LHFPL3: variants seen among roughly 807,000 people sequenced by gnomAD.
LHFPL3 encodes the protein LHFPL tetraspan subfamily member 3 protein.
LHFPL3 carries 5 observed loss-of-function variants against 19.3 expected under a neutral mutation model. The ratio of observed to expected loss-of-function variants is 0.26; its 90% CI spans 0.14 to 0.54. LHFPL3 has a LOEUF of 0.54. LHFPL3 is among the 20% of genes least tolerant of loss of function. The pLI is 0.94. For missense variants in LHFPL3, 249 were observed against 307.4 expected (o/e 0.81, Z 1.42); for synonymous variants, 133 against 126.2 (o/e 1.05, Z -0.36).
chr7:104,448,141 C>G (rs1162590198), intron 1 of LHFPL3, among the ~76,000 whole-genome samples: 1 of 152,074 alleles, frequency 6.6e-6, no homozygotes, highest in Non-Finnish European at 1.5e-5. Context: ...GATATAGCTT[C>G]TATTATCATT....
intron 1 of LHFPL3, among the ~76,000 whole-genome samples, chr7:104,560,598 T>A (rs1341938128): frequency 6.6e-6 from 1 of 151,816 alleles, no homozygotes. Flanking sequence ...TTGCTAGCGG[T>A]CTATCAATTT....
At chr7:104,538,272 G>C (rs1794424161) in intron 1 of LHFPL3, among the ~76,000 whole-genome samples, 1 of 152,160 alleles carries the variant, frequency 6.6e-6, no homozygotes, top group African/African-American at 2.4e-5. Context: ...TTAGATTAAA[G>C]CTCAGGAAGC....
At chr7:104,754,941 C>T (rs1584516778) in intron 2 of LHFPL3, among the ~76,000 whole-genome samples, 2 of 152,204 alleles carry the variant, frequency 1.3e-5, no homozygotes. Flanking sequence ...TGCTAGGGGG[C>T]AGAGTGCGGT....
chr7:104,694,133 G>C (rs1255802914), intron 1 of LHFPL3, among the ~76,000 whole-genome samples: 1 of 152,180 alleles, frequency 6.6e-6, no homozygotes, highest in African/African-American at 2.4e-5. Context: ...AGGTGTTCTA[G>C]AATTTATCAC....
chr7:104,824,829 A>AATTATAT lies in LHFPL3; in HGVS notation c.683-81345_683-81339dup, dbSNP rs1423564579. On this transcript the variant is annotated intron_variant, in intron 2 of 2. Coordinates refer to ENST00000424859, the MANE Select transcript of LHFPL3 (RefSeq NM_199000.3). ...AAATATATATAATGATATATTATAT[A>AATTATAT]ATTATATATTATATATTATCTAATA... Among the ~76,000 whole-genome samples, 540 of 128,450 alleles carry AATTATAT rather than the reference A, an allele frequency of 4.2e-3. 7 individuals are homozygous for AATTATAT. Among genetic ancestry groups the AATTATAT allele is most frequent in the African/African-American group, 0.015 (522 of 33,738 alleles). 84.3% of individuals were successfully genotyped at this position (128,450 alleles called of 152,430 possible). A position where few individuals can be genotyped will look rare whatever the true frequency, so the allele number is the denominator to read the frequency against.
chr7:104,788,124 G>A (rs767897036), intron 2 of LHFPL3, among the ~76,000 whole-genome samples: 4 of 152,138 alleles, frequency 2.6e-5, no homozygotes, highest in Admixed American at 6.5e-5. Flanking sequence ...GCTCACGCGT[G>A]GGGGAAAACA....
chr7:104,480,936 C>G (rs899801925), intron 1 of LHFPL3, among the ~76,000 whole-genome samples: 3 of 152,164 alleles, frequency 2.0e-5, no homozygotes, highest in Non-Finnish European at 4.4e-5. Flanking sequence ...GAAATAAAGA[C>G]CCAGGACTGG....
rs1554406546 is a variant in LHFPL3, at chr7:104,554,675, A to ATAGATAGT, written c.446-181993_446-181992insTTAGATAG. The stretch of plus-strand genomic sequence containing the variant: ...GATAGATAGATAGATAGATAGATAG[A>ATAGATAGT]TAGATAGATAGATAGACAGACAGAT... On this transcript the variant is annotated intron_variant, in intron 1 of 2. Transcript: ENST00000424859. Among the ~76,000 whole-genome samples, 1,206 of 151,274 alleles carry ATAGATAGT rather than the reference A, an allele frequency of 8.0e-3. 12 individuals are homozygous for ATAGATAGT. Among genetic ancestry groups the ATAGATAGT allele is most frequent in the East Asian group, 0.028 (143 of 5,130 alleles).
At chr7:104,855,449 T>C (rs553398453) in intron 2 of LHFPL3, among the ~76,000 whole-genome samples, 17 of 152,204 alleles carry the variant, frequency 1.1e-4, no homozygotes, top group Non-Finnish European at 2.1e-4. Flanking sequence ...CTCTTGGATT[T>C]TGAATTATGT....
chr7:104,541,968 G>A (rs1313233252), intron 1 of LHFPL3, among the ~76,000 whole-genome samples: 1 of 152,034 alleles, frequency 6.6e-6, no homozygotes, highest in Non-Finnish European at 1.5e-5. Context: ...AAGATAGGAG[G>A]AAAACCCTTG....
chr7:104,770,823 G>A (rs1282028929), intron 2 of LHFPL3, among the ~76,000 whole-genome samples: 1 of 152,182 alleles, frequency 6.6e-6, no homozygotes, highest in Non-Finnish European at 1.5e-5. Context: ...TTCTCCTTCT[G>A]TGTTTTTGTT....
chr7:104,770,618 A>C (rs1186362995), intron 2 of LHFPL3, among the ~76,000 whole-genome samples: 1 of 152,174 alleles, frequency 6.6e-6, no homozygotes, highest in Non-Finnish European at 1.5e-5. Flanking sequence ...GGAATGGTGA[A>C]TATCTAACAC....
intron 2 of LHFPL3, among the ~76,000 whole-genome samples, chr7:104,886,363 A>ATTTTG (rs979416578): frequency 2.6e-5 from 4 of 151,956 alleles, no homozygotes; most frequent in African/African-American, 9.7e-5. Context: ...CGTTGGTTTT[A>ATTTTG]TTTTGTTTTG....
chr7:104,775,465 C>T (rs1794623169), intron 2 of LHFPL3, among the ~76,000 whole-genome samples: 1 of 152,152 alleles, frequency 6.6e-6, no homozygotes, highest in African/African-American at 2.4e-5. Flanking sequence ...TCCAAAGAAG[C>T]CTTGGCTTTC....
chr7:104,394,402 T>C (rs375664121), intron 1 of LHFPL3, among the ~76,000 whole-genome samples: 3 of 152,328 alleles, frequency 2.0e-5, no homozygotes, highest in African/African-American at 4.8e-5. Flanking sequence ...ATTTTAATTA[T>C]CTTTTGTATA....
chr7:104,362,279 G>A (rs774421305), intron 1 of LHFPL3, among the ~76,000 whole-genome samples: 12 of 152,150 alleles, frequency 7.9e-5, no homozygotes, highest in Non-Finnish European at 1.6e-4. Context: ...TCTATCTGCT[G>A]GGGACCCTCT....
chr7:104,795,164 C>T (rs1437418280), intron 2 of LHFPL3, among the ~76,000 whole-genome samples: 2 of 152,210 alleles, frequency 1.3e-5, no homozygotes, highest in Non-Finnish European at 2.9e-5. Context: ...GGCCATTCGT[C>T]TTCTGAATCC....
chr7:104,807,701 C>T (rs746468134), intron 2 of LHFPL3, among the ~76,000 whole-genome samples: 1 of 152,162 alleles, frequency 6.6e-6, no homozygotes, highest in Non-Finnish European at 1.5e-5. Flanking sequence ...GGAGCAGCAG[C>T]AGGAAGAAGA....
At chr7:104,353,903 G>T (rs1477613136) in intron 1 of LHFPL3, among the ~76,000 whole-genome samples, 1 of 152,170 alleles carries the variant, frequency 6.6e-6, no homozygotes, top group Non-Finnish European at 1.5e-5. Flanking sequence ...GAAAAGCAAG[G>T]TTCAATTCCA....
Sources: gnomAD v4.1 joint callset for allele counts (sites outside exome capture counted in the v4.1 genomes callset) on GRCh38, gnomAD v4.1.1 for gene constraint, MANE v1.5 for transcripts, NCBI Gene and HGNC (gene_info 2026-07-23, HGNC 2026-07-21) for gene names.